Variants in LNX2 observed in about 807,000 individuals in gnomAD.
LNX2 encodes ligand of numb-protein X 2.
A neutral mutation model predicts 66.2 loss-of-function variants in LNX2; 35 were observed. That is an observed-to-expected ratio of 0.53 (90% CI 0.40 to 0.70). LNX2 has a LOEUF of 0.70. Ranked by LOEUF, LNX2 falls within the 30% of genes least tolerant of loss-of-function variation. LNX2 has a pLI of 0.00. For synonymous variants in LNX2, 337 were observed against 315.6 expected (o/e 1.07, Z -0.72); for missense variants, 791 against 850.8 (o/e 0.93, Z 0.87).
chr13:27,556,605 T>C (rs1214143376), intron 6 of LNX2, among the ~76,000 whole-genome samples, 192 bp from the exon 7 acceptor site: 1 of 152,220 alleles, frequency 6.6e-6, no homozygotes, highest in Non-Finnish European at 1.5e-5. Flanking sequence ...TTGGACTATG[T>C]TATTTTCATG....
At position 27,581,516 on chromosome 13, in the gene LNX2, G is replaced by A. The variant is rs1253288781; in HGVS notation, c.188C>T (p.Thr63Ile). 1.2e-6 allele frequency: 2 copies of A among 1,614,002 alleles called. No individual in the cohort carries two copies. The highest frequency in any genetic ancestry group is 1.7e-6 in the Non-Finnish European group (2 of 1,179,982). ...GTAGCAGAATGTATGTCCACAGGGTGTGTCTAGTGGCTGCAGCAGAGGTTG... is the reference window on the plus strand; with the variant it reads ...GTAGCAGAATGTATGTCCACAGGGTATGTCTAGTGGCTGCAGCAGAGGTTG... ...CLQPLLQPLD[T>I]PCGHTFCYKC... Residue 63 changes from threonine (T) to isoleucine (I), a missense_variant, in exon 2 of 10, where the codon ACA (threonine) becomes ATA (isoleucine). Physicochemically the swap from Thr to Ile is moderately conservative, Grantham distance 89. Coordinates refer to ENST00000316334, the MANE Select transcript of LNX2 (RefSeq NM_153371.4).
At chr13:27,584,715 A>G (rs1298704260) in intron 1 of LNX2, among the ~76,000 whole-genome samples, 1 of 152,146 alleles carries the variant, frequency 6.6e-6, no homozygotes, top group South Asian at 2.1e-4. Flanking sequence ...AAAGAAAAAC[A>G]TTAATGTTTT....
chr13:27,564,628 T>C (rs1018866886), intron 4 of LNX2, among the ~76,000 whole-genome samples: 2 of 152,142 alleles, frequency 1.3e-5, no homozygotes, highest in South Asian at 2.1e-4. Flanking sequence ...TTTAATAACA[T>C]TTGTATATGT....
chr13:27,548,032 C>T lies in LNX2; in HGVS notation c.*303G>A, dbSNP rs1593234988. On this transcript the variant is annotated 3_prime_UTR_variant, in exon 10 of 10. Coordinates refer to ENST00000316334, the MANE Select transcript of LNX2 (RefSeq NM_153371.4). ...AAAGACCCACCAGAAGGTCTTTACT[C>T]CATCTGGGGCACAGTTTGGGTGAGC... 5 of 323,908 alleles carry T rather than the reference C, an allele frequency of 1.5e-5. No individual in the cohort carries two copies. The highest frequency in any genetic ancestry group is 2.3e-5 in the Non-Finnish European group (4 of 175,132). The allele number at this position is 323,908 out of a possible 1,614,324, so 20.1% of individuals were successfully genotyped here. A position where few individuals can be genotyped will look rare whatever the true frequency, so the allele number is the denominator to read the frequency against.
At position 27,547,934 on chromosome 13, in the gene LNX2, C is replaced by T; in HGVS notation, c.*401G>A. 1 of 180,078 alleles carries T rather than the reference C, an allele frequency of 5.6e-6. No individual in the cohort carries two copies. The highest frequency in any genetic ancestry group is 1.3e-4 in the South Asian group (1 of 7,760). 11.2% of individuals were successfully genotyped at this position (180,078 alleles called of 1,614,324 possible). On this transcript the variant is annotated 3_prime_UTR_variant, in exon 10 of 10. Transcript: ENST00000316334. Reference sequence around the variant, plus strand: ...TTGGTTATGACAGTGGCAGTACACGCTGTTGTTACTGGCTTTGCTGACATC... The same window carrying T: ...TTGGTTATGACAGTGGCAGTACACGTTGTTGTTACTGGCTTTGCTGACATC...
intron 1 of LNX2, among the ~76,000 whole-genome samples, chr13:27,587,907 G>A (rs1216953692): frequency 6.6e-6 from 1 of 151,810 alleles, no homozygotes; most frequent in Non-Finnish European, 1.5e-5. Flanking sequence ...TGTAGTCCCA[G>A]CTTCTCAGGA....
chr13:27,550,487 G>A lies in LNX2; in HGVS notation c.1783C>T (p.Leu595Phe). Residue 595 changes from leucine to phenylalanine, a missense_variant, in exon 9 of 10, where the codon CTT becomes TTT. By Grantham distance (22) the Leu-to-Phe change is conservative (BLOSUM62 0). Coordinates refer to ENST00000316334, the MANE Select transcript of LNX2 (RefSeq NM_153371.4). ...WVMWLGLPSTLHSCHDIVLRR... is the reference protein window; with the variant it reads ...WVMWLGLPSTFHSCHDIVLRR... Reference sequence around the variant, plus strand: ...AAAACTATATCGTGGCAGCTATGAAGTGTGCTATAAACAAACAGAAAAATA... The same window carrying A: ...AAAACTATATCGTGGCAGCTATGAAATGTGCTATAAACAAACAGAAAAATA... The A allele has an allele frequency of 6.2e-7, 1 of 1,612,016 alleles. No individual in the cohort carries two copies. The highest frequency in any genetic ancestry group is 2.2e-5 in the East Asian group (1 of 44,838).
chr13:27,593,539 C>CT (rs1955566321), intron 1 of LNX2, among the ~76,000 whole-genome samples: 1 of 149,662 alleles, frequency 6.7e-6, no homozygotes, highest in African/African-American at 2.5e-5. Context: ...CGTCTCTCTC[C>CT]TTGAAACTCT....
chr13:27,616,491 T>C (rs550466994), intron 1 of LNX2, among the ~76,000 whole-genome samples: 12 of 152,214 alleles, frequency 7.9e-5, no homozygotes, highest in Non-Finnish European at 1.3e-4. Context: ...GTCTCTCAGG[T>C]TAAATTTTAA....
intron 2 of LNX2, among the ~76,000 whole-genome samples, chr13:27,578,397 A>G (rs1955363326): frequency 6.6e-6 from 1 of 152,204 alleles, no homozygotes; most frequent in Non-Finnish European, 1.5e-5. Context: ...GTATACCGAG[A>G]AGCCGCAAAC....
chr13:27,591,926 G>C (rs1955549575), intron 1 of LNX2, among the ~76,000 whole-genome samples: 1 of 152,218 alleles, frequency 6.6e-6, no homozygotes, highest in Non-Finnish European at 1.5e-5. Flanking sequence ...AGAAAGCCAT[G>C]CAGGTATCTG....
intron 5 of LNX2, among the ~76,000 whole-genome samples, chr13:27,561,075 T>G (rs1955130013): frequency 6.6e-6 from 1 of 152,214 alleles, no homozygotes; most frequent in Non-Finnish European, 1.5e-5. Flanking sequence ...TAGTTTTCCA[T>G]TATTTGGAGA....
chr13:27,552,299 G>C (rs887260201), intron 8 of LNX2, among the ~76,000 whole-genome samples: 3 of 152,216 alleles, frequency 2.0e-5, no homozygotes, highest in Non-Finnish European at 4.4e-5. Context: ...GGTCTGCAAC[G>C]TGCTGCCCAG....
At chr13:27,583,446 C>T (rs925830532) in intron 1 of LNX2, among the ~76,000 whole-genome samples, 40 of 152,104 alleles carry the variant, frequency 2.6e-4, no homozygotes, top group African/African-American at 9.2e-4. Context: ...TTAGTAGACA[C>T]GGGGTTTCAC....
intron 1 of LNX2, among the ~76,000 whole-genome samples, chr13:27,617,020 T>C (rs1417465684): frequency 1.3e-5 from 2 of 152,226 alleles, no homozygotes; most frequent in East Asian, 3.8e-4. Flanking sequence ...AGTGCTAGAA[T>C]TATAAGCGTG....
intron 1 of LNX2, among the ~76,000 whole-genome samples, chr13:27,597,192 A>G (rs1418388472): frequency 1.3e-5 from 2 of 152,212 alleles, no homozygotes; most frequent in Non-Finnish European, 2.9e-5. Context: ...CTAATTTCAC[A>G]ATAAAAACGG....
At chr13:27,605,820 TTA>T (rs1566132911) in intron 1 of LNX2, among the ~76,000 whole-genome samples, 1 of 152,202 alleles carries the variant, frequency 6.6e-6, no homozygotes, top group Admixed American at 6.5e-5. Flanking sequence ...TTCTGTCCAC[TTA>T]TATTTCACCA....
chr13:27,595,375 A>G (rs1803427747), intron 1 of LNX2, among the ~76,000 whole-genome samples: 1 of 152,254 alleles, frequency 6.6e-6, no homozygotes. Flanking sequence ...CTGAACAGCC[A>G]TTAGAAGGCA....
intron 1 of LNX2, among the ~76,000 whole-genome samples, chr13:27,585,447 A>C: frequency 6.6e-6 from 1 of 151,578 alleles, no homozygotes; most frequent in Non-Finnish European, 1.5e-5. Context: ...AAAATAAATA[A>C]ATAAATATAT....
Sources: gnomAD v4.1 joint callset for allele counts (sites outside exome capture counted in the v4.1 genomes callset) on GRCh38, gnomAD v4.1.1 for gene constraint, MANE v1.5 for transcripts, NCBI Gene and HGNC (gene_info 2026-07-23, HGNC 2026-07-21) for gene names.